Variants in SPATA13 observed in about 807,000 individuals in gnomAD.
SPATA13 encodes the protein spermatogenesis-associated protein 13.
Under a neutral mutation model 104.0 loss-of-function variants are expected in SPATA13, and 50 were observed. The ratio of observed to expected loss-of-function variants is 0.48; its 90% CI spans 0.38 to 0.61. SPATA13 has a LOEUF of 0.61. SPATA13 is among the 20% of genes least tolerant of loss of function. SPATA13 has a pLI of 0.00. For missense variants in SPATA13, 1,524 were observed against 1,690.6 expected, an observed-to-expected ratio of 0.90 and a Z score of 1.73; for synonymous variants, 606 against 667.5, an observed-to-expected ratio of 0.91 and a Z score of 1.42.
At chr13:24,137,833 C>T (rs944040986) in intron 3 of SPATA13, among the ~76,000 whole-genome samples, 8 of 152,106 alleles carry the variant, frequency 5.3e-5, no homozygotes, top group Non-Finnish European at 7.4e-5. Flanking sequence ...ATTTTATGTG[C>T]GTCATCAGAG....
intron 1 of SPATA13, among the ~76,000 whole-genome samples, chr13:24,221,312 G>T (rs966843052): frequency 1.3e-5 from 2 of 152,170 alleles, no homozygotes; most frequent in Non-Finnish European, 2.9e-5. Flanking sequence ...AGACCTTAGG[G>T]CAGAGGCCTG....
intron 4 of SPATA13, among the ~76,000 whole-genome samples, chr13:24,256,297 ATGTAT>A (rs1192384191): frequency 8.5e-5 from 13 of 152,222 alleles, no homozygotes; most frequent in Admixed American, 2.0e-4. Flanking sequence ...GTTAATGACA[ATGTAT>A]TGTATAGTTC....
intron 4 of SPATA13, among the ~76,000 whole-genome samples, chr13:24,266,858 C>T (rs1008537916): frequency 1.3e-5 from 2 of 151,364 alleles, no homozygotes; most frequent in Non-Finnish European, 2.9e-5. Context: ...GTGGTACAAT[C>T]TCAGCTCTCC....
At chr13:24,085,416 C>T (rs778724673) in intron 3 of SPATA13, among the ~76,000 whole-genome samples, 5 of 152,274 alleles carry the variant, frequency 3.3e-5, no homozygotes, top group South Asian at 4.1e-4. Flanking sequence ...TGTGAGCCAC[C>T]GCGTCCAGCT....
At chr13:24,097,623 A>T (rs1206116642) in intron 3 of SPATA13, among the ~76,000 whole-genome samples, 2 of 152,216 alleles carry the variant, frequency 1.3e-5, no homozygotes, top group African/African-American at 4.8e-5. Flanking sequence ...GGTGCAAGAT[A>T]GCCAATGATT....
intron 3 of SPATA13, among the ~76,000 whole-genome samples, chr13:24,053,387 G>A (rs61945347): frequency 0.077 from 11,737 of 152,182 alleles, 553 homozygotes; most frequent in Admixed American, 0.1. Flanking sequence ...GCTGATTCAC[G>A]TGGAGTTCCT....
chr13:24,148,125 G>T (rs944338424), intron 3 of SPATA13, among the ~76,000 whole-genome samples: 57 of 152,148 alleles, frequency 3.7e-4, no homozygotes, highest in Non-Finnish European at 2.8e-4. Context: ...GGGTAAAATT[G>T]TTGAATCATA....
chr13:24,181,283 A>G (rs1420658409), intron 1 of SPATA13, among the ~76,000 whole-genome samples: 1 of 152,174 alleles, frequency 6.6e-6, no homozygotes. Flanking sequence ...CTGCTGAAGC[A>G]AGCACTCTAA....
At chr13:24,244,134 T>G (rs1872990119) in intron 2 of SPATA13, among the ~76,000 whole-genome samples, 1 of 152,182 alleles carries the variant, frequency 6.6e-6, no homozygotes, top group African/African-American at 2.4e-5. Flanking sequence ...GATGCATCAC[T>G]CCAGTCTCTG....
chr13:24,194,377 G>A (rs116332496), intron 1 of SPATA13, among the ~76,000 whole-genome samples: 2,452 of 152,318 alleles, frequency 0.016, 76 homozygotes, highest in African/African-American at 0.056. Flanking sequence ...GAGTAGGACA[G>A]GAAGTGGAGA....
intron 1 of SPATA13, among the ~76,000 whole-genome samples, chr13:24,221,879 C>A (rs1291258780): frequency 6.9e-5 from 10 of 144,648 alleles, no homozygotes; most frequent in African/African-American, 2.3e-4. Context: ...GTGGCGCAAT[C>A]TTGGCTCACT....
intron 2 of SPATA13, among the ~76,000 whole-genome samples, chr13:23,993,164 G>A (rs1353134979): frequency 6.6e-6 from 1 of 152,214 alleles, no homozygotes; most frequent in East Asian, 1.9e-4. Flanking sequence ...TGGACAGAGT[G>A]TCCCAAGGCT....
At chr13:24,036,054 G>A (rs1877671629) in intron 3 of SPATA13, among the ~76,000 whole-genome samples, 1 of 151,066 alleles carries the variant, frequency 6.6e-6, no homozygotes, top group Non-Finnish European at 1.5e-5. Flanking sequence ...AAAAACCTGA[G>A]GATCCTATGC....
chr13:23,984,940 C>T (rs563993883), intron 2 of SPATA13, among the ~76,000 whole-genome samples: 9 of 152,310 alleles, frequency 5.9e-5, no homozygotes, highest in African/African-American at 1.2e-4. Context: ...TCTGTGTAAC[C>T]GGCCGGCGTG....
intron 4 of SPATA13, among the ~76,000 whole-genome samples, chr13:24,262,736 C>T (rs1424295275): frequency 6.6e-6 from 1 of 152,148 alleles, no homozygotes; most frequent in African/African-American, 2.4e-5. Context: ...ATTAGGGAAG[C>T]ATTAACTATA....
chr13:24,163,291 G>A (rs1355597414), intron 1 of SPATA13, among the ~76,000 whole-genome samples: 2 of 152,186 alleles, frequency 1.3e-5, no homozygotes, highest in African/African-American at 4.8e-5. Context: ...AGTCCAAGGT[G>A]CTCAGGAGGC....
intron 3 of SPATA13, chr13:24,122,517 A>T: frequency 6.2e-7 from 1 of 1,604,142 alleles, no homozygotes; most frequent in Non-Finnish European, 8.5e-7. Flanking sequence ...CATCTTCATC[A>T]CTCCCCGGTT....
chr13:23,991,938 A>G (rs987125187), intron 2 of SPATA13, among the ~76,000 whole-genome samples: 7 of 152,228 alleles, frequency 4.6e-5, no homozygotes, highest in African/African-American at 1.7e-4. Context: ...CCAAATGGGA[A>G]GAGGACACGG....
At chr13:24,192,166 T>C (rs1363781279) in intron 1 of SPATA13, among the ~76,000 whole-genome samples, 3 of 152,152 alleles carry the variant, frequency 2.0e-5, no homozygotes, top group East Asian at 1.9e-4. Flanking sequence ...GGTTGCCTCA[T>C]AGGGGGCACA....
Sources: allele counts gnomAD v4.1 joint callset (sites outside exome capture counted in the v4.1 genomes callset), GRCh38; gene constraint gnomAD v4.1.1; transcripts MANE v1.5; gene names NCBI Gene and HGNC (gene_info 2026-07-23, HGNC 2026-07-21).